The following TMCO1 variants were observed in gnomAD, a reference collection of about 807,000 sequenced individuals.
The protein encoded by TMCO1 is calcium load-activated calcium channel.
In TMCO1, 29 loss-of-function variants were observed where a neutral mutation model predicts 29.3. That is an observed-to-expected ratio of 0.99 (90% CI 0.74 to 1.35). TMCO1 has a LOEUF of 1.35. Ranked by LOEUF, TMCO1 falls within the 40% of genes most tolerant of loss-of-function variation. The pLI, the probability that TMCO1 is intolerant of heterozygous loss-of-function variation, is 0.00. For synonymous variants in TMCO1, 80 were observed against 77.1 expected, an observed-to-expected ratio of 1.04 and a Z score of -0.20; for missense variants, 173 against 225.5, an observed-to-expected ratio of 0.77 and a Z score of 1.49.
At chr1:165,745,567 A>G (rs1408946286) in intron 5 of TMCO1, among the ~76,000 whole-genome samples, 2 of 151,120 alleles carry the variant, frequency 1.3e-5, no homozygotes, top group Non-Finnish European at 2.9e-5. Flanking sequence ...GGATCACTTG[A>G]GCCCAGCAGG....
chr1:165,767,218 G>A (rs1288810855), intron 2 of TMCO1, among the ~76,000 whole-genome samples: 3 of 151,934 alleles, frequency 2.0e-5, no homozygotes, highest in Admixed American at 1.3e-4. Context: ...GAAGATATAA[G>A]AAAAAGTCAC....
At chr1:165,730,856 G>C (rs1040786945) in intron 6 of TMCO1, among the ~76,000 whole-genome samples, 2 of 151,582 alleles carry the variant, frequency 1.3e-5, no homozygotes, top group Admixed American at 6.6e-5. Flanking sequence ...AGCCTCCCAG[G>C]TGCTGGCATT....
intron 6 of TMCO1, among the ~76,000 whole-genome samples, chr1:165,732,927 A>G (rs1364141415): frequency 6.6e-6 from 1 of 152,212 alleles, no homozygotes; most frequent in East Asian, 1.9e-4. Flanking sequence ...AAATAAAGAA[A>G]AATATTCCTG....
chr1:165,737,506 A>G (rs57611554), intron 6 of TMCO1, among the ~76,000 whole-genome samples: 4 of 152,208 alleles, frequency 2.6e-5, no homozygotes, highest in Admixed American at 1.3e-4. Context: ...AATGAAAACC[A>G]TAAGTCCTAG....
intron 6 of TMCO1, among the ~76,000 whole-genome samples, chr1:165,730,953 G>C (rs1005906562): frequency 6.6e-6 from 1 of 151,566 alleles, no homozygotes; most frequent in East Asian, 1.9e-4. Flanking sequence ...AGGCTGGAGT[G>C]CAGTGGTGCG....
intron 2 of TMCO1, among the ~76,000 whole-genome samples, chr1:165,766,285 C>T (rs1462678455): frequency 6.6e-6 from 1 of 152,148 alleles, no homozygotes; most frequent in Admixed American, 6.5e-5. Flanking sequence ...GTCCACCAAA[C>T]ATTCTAGCTG....
At chr1:165,743,964 A>G (rs989070536) in intron 5 of TMCO1, among the ~76,000 whole-genome samples, 6 of 151,346 alleles carry the variant, frequency 4.0e-5, no homozygotes, top group Non-Finnish European at 8.8e-5. Flanking sequence ...GCTTCAAGCG[A>G]TTCTCCTGCC....
chr1:165,726,565 C>T (rs1331620236), downstream of TMCO1: 1 of 467,826 alleles, frequency 2.1e-6, no homozygotes, highest in Admixed American at 2.3e-5. Flanking sequence ...CCTCCCCTGC[C>T]CCAGTTTCCT....
At chr1:165,734,572 C>T (rs1430510420) in intron 6 of TMCO1, among the ~76,000 whole-genome samples, 1 of 152,026 alleles carries the variant, frequency 6.6e-6, no homozygotes, top group African/African-American at 2.4e-5. Flanking sequence ...GGTGTGATCT[C>T]AGCTCACTGC....
intron 6 of TMCO1, among the ~76,000 whole-genome samples, chr1:165,739,424 G>A (rs1456651116): frequency 6.6e-6 from 1 of 151,748 alleles, no homozygotes; most frequent in Admixed American, 6.6e-5. Flanking sequence ...GTCTGGCTCT[G>A]TTGCCCAGGC....
At chr1:165,754,067 A>G (rs531087745) in intron 4 of TMCO1, among the ~76,000 whole-genome samples, 161 bp downstream of exon 4, 1 of 152,354 alleles carries the variant, frequency 6.6e-6, no homozygotes, top group East Asian at 1.9e-4. Context: ...GAGCAGGAGC[A>G]TATTTTCACT....
chr1:165,739,850 C>A (rs1304696688), intron 6 of TMCO1, among the ~76,000 whole-genome samples: 4 of 152,004 alleles, frequency 2.6e-5, no homozygotes, highest in Non-Finnish European at 5.9e-5. Flanking sequence ...GTGGCTCACG[C>A]CTGTAATCCC....
At chr1:165,755,685 A>G (rs1327495804) in intron 3 of TMCO1, among the ~76,000 whole-genome samples, 1 of 152,118 alleles carries the variant, frequency 6.6e-6, no homozygotes, top group Admixed American at 6.6e-5. Flanking sequence ...AAACAAAACA[A>G]AAAAAGAAAA....
intron 1 of TMCO1, 129 bp downstream of exon 1, chr1:165,768,553 T>G (rs1024474742): frequency 1.9e-6 from 3 of 1,569,590 alleles, no homozygotes; most frequent in Non-Finnish European, 2.6e-6. Context: ...TGCCCAGAGA[T>G]TCCCTGAAGT....
chr1:165,748,572 G>A (rs1651886888), intron 5 of TMCO1, among the ~76,000 whole-genome samples: 1 of 152,128 alleles, frequency 6.6e-6, no homozygotes, highest in Admixed American at 6.5e-5. Flanking sequence ...AATGTCTAAT[G>A]AAAAGAAGAG....
In TMCO1 at chr1:165,750,233, A is replaced by G. The variant is rs79163465; in HGVS notation, c.323+1869T>C. Among the ~76,000 whole-genome samples the G allele has an allele frequency of 5.6e-3, 851 of 152,290 alleles. 3 individuals are homozygous for G. Among genetic ancestry groups the G allele is most frequent in the Non-Finnish European group, 8.4e-3 (571 of 68,028 alleles). ...AAAATTCTTTATGATGATTAATAAA[A>G]AATTAGTTAAACAGAGTACATCCTG... On this transcript the variant is annotated intron_variant, in intron 5 of 6. Transcript: ENST00000367881.
intron 4 of TMCO1, among the ~76,000 whole-genome samples, chr1:165,752,954 G>A (rs79211886): frequency 1.3e-5 from 2 of 152,090 alleles, no homozygotes; most frequent in African/African-American, 4.8e-5. Context: ...CTGGCAAAAG[G>A]TCTCTCAGTA....
At chr1:165,755,162 A>G (rs1652146555) in intron 3 of TMCO1, among the ~76,000 whole-genome samples, 1 of 152,294 alleles carries the variant, frequency 6.6e-6, no homozygotes, top group East Asian at 1.9e-4. Flanking sequence ...GACTAGCAAA[A>G]GGGAAAATTA....
chr1:165,725,014 C>CTA (rs769104432), downstream of TMCO1: 5 of 194,078 alleles, frequency 2.6e-5, no homozygotes, highest in African/African-American at 1.6e-4. Flanking sequence ...CTCTCTCTCT[C>CTA]TCTCTCTCTC....
Sources: gnomAD v4.1 joint callset for allele counts (sites outside exome capture counted in the v4.1 genomes callset) on GRCh38, gnomAD v4.1.1 for gene constraint, MANE v1.5 for transcripts, NCBI Gene and HGNC (gene_info 2026-07-23, HGNC 2026-07-21) for gene names.